Variants in C16orf46 observed in about 807,000 individuals in gnomAD.
C16orf46 encodes chromosome 16 open reading frame 46.
In C16orf46, 7 loss-of-function variants were observed where a neutral mutation model predicts 5.5. The observed-to-expected ratio is 1.28, with a 90% confidence interval of 0.73 to 2.40. The LOEUF (loss-of-function observed/expected upper bound fraction) is 2.40, where lower values mean the gene tolerates loss of function less well. C16orf46 is among the 30% of genes most tolerant of loss of function. The probability of loss-of-function intolerance (pLI) is 0.00; values close to 1 mark genes in which losing one functional copy is unlikely to be tolerated. For synonymous variants in C16orf46, 200 were observed against 184.1 expected (o/e 1.09, Z -0.70); for missense variants, 614 against 476.0 (o/e 1.29, Z -2.70).
chr16:81,056,620 C>T (rs1039269163), downstream of C16orf46, among the ~76,000 whole-genome samples: 1 of 144,544 alleles, frequency 6.9e-6, no homozygotes, highest in African/African-American at 2.6e-5. Context: ...CACTTGAATC[C>T]GGGAGAGGGA....
chr16:81,058,755 G>A (rs1971376709), downstream of C16orf46, among the ~76,000 whole-genome samples: 1 of 152,106 alleles, frequency 6.6e-6, no homozygotes, highest in African/African-American at 2.4e-5. Flanking sequence ...ACATTACCTG[G>A]TCATCTTCAC....
rs756853123 is a variant in C16orf46, at chr16:81,063,704, T to A, written c.210+42A>T. 3 of 1,525,576 alleles carry A rather than the reference T, an allele frequency of 2.0e-6. No individual in the cohort carries two copies. The East Asian group carries it at 6.8e-5, about 35-fold the overall frequency. The allele number at this position is 1,525,576 out of a possible 1,614,324, so 94.5% of individuals were successfully genotyped here. ...AAAGAGGCTTGCACCAAAACACTGATGTGCGAGAGACAGAAAAGCTGTGAC... is the reference window on the plus strand; with the variant it reads ...AAAGAGGCTTGCACCAAAACACTGAAGTGCGAGAGACAGAAAAGCTGTGAC... On this transcript the variant is annotated intron_variant, in intron 3 of 3. Transcript: ENST00000299578.
chr16:81,070,273 G>C (rs1021087141), intron 1 of C16orf46, among the ~76,000 whole-genome samples: 8 of 152,186 alleles, frequency 5.3e-5, no homozygotes, highest in African/African-American at 1.9e-4. Context: ...TCTAGAGCAG[G>C]ATTCTTTACA....
intron 1 of C16orf46, among the ~76,000 whole-genome samples, chr16:81,072,692 AT>A (rs1490037730): frequency 1.3e-5 from 2 of 150,570 alleles, no homozygotes; most frequent in South Asian, 2.1e-4. Context: ...CCTAGTTTTT[AT>A]TTTTTTATTT....
At chr16:81,068,854 A>C (rs905411296) in intron 1 of C16orf46, among the ~76,000 whole-genome samples, 1 of 151,882 alleles carries the variant, frequency 6.6e-6, no homozygotes, top group Non-Finnish European at 1.5e-5. Flanking sequence ...GGCGCATGCC[A>C]CCACGCCCGG....
chr16:81,057,183 G>A (rs1266714011), downstream of C16orf46, among the ~76,000 whole-genome samples: 1 of 152,132 alleles, frequency 6.6e-6, no homozygotes, highest in East Asian at 1.9e-4. Context: ...TGATGGGGTG[G>A]CTTTGAGCAT....
At chr16:81,077,107 G>C (rs1424872722) in intron 1 of C16orf46, 29 bp downstream of exon 1, 2 of 152,452 alleles carry the variant, frequency 1.3e-5, no homozygotes, top group Non-Finnish European at 2.9e-5. Context: ...CCTTGCCCCA[G>C]GGGTGGAGAA....
chr16:81,056,695 C>CAAAAAAAAAAAAAA (rs10539282), downstream of C16orf46, among the ~76,000 whole-genome samples: 1 of 85,604 alleles, frequency 1.2e-5, no homozygotes, highest in African/African-American at 4.3e-5. Context: ...GACTCCGTCT[C>CAAAAAAAAAAAAAA]AAAAAAAAAA....
At chr16:81,068,279 G>A (rs1171743040) in intron 1 of C16orf46, among the ~76,000 whole-genome samples, 1 of 152,200 alleles carries the variant, frequency 6.6e-6, no homozygotes, top group African/African-American at 2.4e-5. Context: ...GTCAACAGTA[G>A]AGGCATACCA....
intron 3 of C16orf46, among the ~76,000 whole-genome samples, chr16:81,062,433 T>C (rs1041036169): frequency 2.0e-5 from 3 of 152,236 alleles, no homozygotes; most frequent in African/African-American, 7.2e-5. Context: ...GAGCATTTGT[T>C]AATACTAAAA....
intron 3 of C16orf46, among the ~76,000 whole-genome samples, chr16:81,054,844 T>C (rs1971250125): frequency 7.1e-6 from 1 of 141,412 alleles, no homozygotes; most frequent in Non-Finnish European, 1.6e-5. Flanking sequence ...GGCAGGGTTT[T>C]GCCATGTTGG....
At chr16:81,064,737 ACT>A (rs1251639059) in intron 2 of C16orf46, among the ~76,000 whole-genome samples, 2 of 116,508 alleles carry the variant, frequency 1.7e-5, no homozygotes, top group East Asian at 5.1e-4. Flanking sequence ...ACAGAGCAAG[ACT>A]CTGTCTCAAA....
chr16:81,059,212 T>C (rs147681927), downstream of C16orf46, among the ~76,000 whole-genome samples: 781 of 150,108 alleles, frequency 5.2e-3, 7 homozygotes, highest in African/African-American at 0.018. Flanking sequence ...TACAAGCTAC[T>C]TGGGAGGCTG....
chr16:81,062,347 G>C (rs2151749883), intron 3 of C16orf46, among the ~76,000 whole-genome samples: 1 of 151,844 alleles, frequency 6.6e-6, no homozygotes, highest in Non-Finnish European at 1.5e-5. Flanking sequence ...GCATGAAAAA[G>C]TGTAATACCT....
chr16:81,061,516 G>C lies in C16orf46; in HGVS notation c.833C>G (p.Thr278Arg). 6.2e-7 allele frequency: 1 copy of C among 1,614,172 alleles called. No individual in the cohort carries two copies. The highest frequency in any genetic ancestry group is 2.2e-5 in the East Asian group (1 of 44,878). The change falls in exon 4 of 4, where the codon ACG becomes AGG. Residue 278 changes from threonine (T) to arginine (R), a missense_variant. Transcript: ENST00000299578. ...GGCCGCTGGGGAAGGGGAGGATGGC[G>C]TGTCGTTGACCATAGGGTGTTTGGC... is the stretch of plus-strand genomic sequence containing the variant. ...ELAKHPMVND[T>R]PSSPSPAAQI...
rs1459302223 is a variant in C16orf46, at chr16:81,061,497, TGG to T, written c.850_851del (p.Pro284SerfsTer22). The T allele has an allele frequency of 2.6e-5, 42 of 1,614,046 alleles. No homozygotes were observed. The Admixed American group carries it at 7.0e-4, about 27-fold the overall frequency. ...CGGTCAGCAGGGATATCTGGGCCGC[TGG>T]GGAAGGGGAGGATGGCGTGTCGTTG... ...MVNDTPSSPS[P>X]AAQISLLTDP... is the part of the protein sequence containing the mutation. On this transcript the variant is annotated frameshift_variant, in exon 4 of 4. Transcript: ENST00000299578. LOFTEE classifies it low-confidence loss of function (END_TRUNC).
intron 1 of C16orf46, among the ~76,000 whole-genome samples, chr16:81,070,800 A>C (rs1471428405): frequency 6.6e-6 from 1 of 151,840 alleles, no homozygotes; most frequent in African/African-American, 2.4e-5. Flanking sequence ...CCATTCTCCT[A>C]CCTCAGCCTC....
chr16:81,061,608 C>T lies in C16orf46; in HGVS notation c.741G>A (p.Gly247=). ...EEKVLDVEKD[G]CVAYAYGLKT... is the part of the protein sequence containing the mutation. ...TCAAGCCATATGCATAAGCCACACA[C>T]CCATCCTTTTCCACATCCAGCACCT... The change falls in exon 4 of 4, where the codon GGG becomes GGA. Residue 247 remains glycine (G), a synonymous_variant. Coordinates refer to ENST00000299578, the MANE Select transcript of C16orf46 (RefSeq NM_152337.3). 1.2e-6 allele frequency: 2 copies of T among 1,614,216 alleles called. No homozygotes were observed. Among genetic ancestry groups the T allele is most frequent in the Non-Finnish European group, 1.7e-6 (2 of 1,180,048 alleles).
chr16:81,075,268 T>TTTA (rs74996861), intron 1 of C16orf46, among the ~76,000 whole-genome samples: 3 of 151,114 alleles, frequency 2.0e-5, no homozygotes, highest in African/African-American at 7.3e-5. Flanking sequence ...CTTTTTTTTT[T>TTTA]AACACCTATT....
Sources: gnomAD v4.1 joint callset for allele counts (sites outside exome capture counted in the v4.1 genomes callset) on GRCh38, gnomAD v4.1.1 for gene constraint, MANE v1.5 for transcripts, NCBI Gene and HGNC (gene_info 2026-07-23, HGNC 2026-07-21) for gene names.